The following CDH20 variants were observed in gnomAD, a reference collection of about 807,000 sequenced individuals.
The protein encoded by CDH20 is cadherin 20.
In CDH20, 29 loss-of-function variants were observed where a neutral mutation model predicts 74.2. The ratio of observed to expected loss-of-function variants is 0.39; its 90% CI spans 0.29 to 0.53. The LOEUF is 0.53. CDH20 is among the 20% of genes least tolerant of loss of function. The probability of loss-of-function intolerance (pLI) is 0.69; values close to 1 mark genes in which losing one functional copy is unlikely to be tolerated. For synonymous variants in CDH20, 469 were observed against 405.4 expected (o/e 1.16, Z -1.88); for missense variants, 988 against 1,048.3 (o/e 0.94, Z 0.79).
intron 1 of CDH20, among the ~76,000 whole-genome samples, chr18:61,429,948 T>C (rs1053454606): frequency 6.6e-6 from 1 of 152,162 alleles, no homozygotes; most frequent in African/African-American, 2.4e-5. Flanking sequence ...TCCTATATAT[T>C]GTGTCACATA....
intron 9 of CDH20, among the ~76,000 whole-genome samples, chr18:61,541,988 A>G (rs559651588): frequency 2.0e-5 from 3 of 152,182 alleles, no homozygotes; most frequent in African/African-American, 7.2e-5. Flanking sequence ...ATCTTCACTC[A>G]CTCATGCTTT....
intron 1 of CDH20, among the ~76,000 whole-genome samples, chr18:61,385,476 T>C (rs556860263): frequency 5.0e-4 from 75 of 149,830 alleles, no homozygotes; most frequent in African/African-American, 1.6e-3. Flanking sequence ...ACTCAAAACA[T>C]CAAAATCAAA....
chr18:61,430,438 T>C (rs1165200822), intron 1 of CDH20, among the ~76,000 whole-genome samples: 1 of 152,160 alleles, frequency 6.6e-6, no homozygotes, highest in South Asian at 2.1e-4. Context: ...CTTGCTCACC[T>C]TTCTGATACA....
At chr18:61,408,815 C>T (rs1169486055) in intron 1 of CDH20, among the ~76,000 whole-genome samples, 1 of 152,196 alleles carries the variant, frequency 6.6e-6, no homozygotes, top group Non-Finnish European at 1.5e-5. Context: ...AAACCCACCA[C>T]CTTTTTACTC....
At chr18:61,375,706 A>G (rs1389185155) in intron 1 of CDH20, among the ~76,000 whole-genome samples, 1 of 152,090 alleles carries the variant, frequency 6.6e-6, no homozygotes, top group Non-Finnish European at 1.5e-5. Flanking sequence ...CCTCCCTAGG[A>G]GGTACTATTC....
chr18:61,471,397 T>C (rs998741324), intron 1 of CDH20, among the ~76,000 whole-genome samples: 1 of 152,176 alleles, frequency 6.6e-6, no homozygotes, highest in Non-Finnish European at 1.5e-5. Flanking sequence ...AAATTATATC[T>C]CCCAGCAAAA....
chr18:61,358,855 A>C (rs571227788), intron 1 of CDH20, among the ~76,000 whole-genome samples: 1 of 152,296 alleles, frequency 6.6e-6, no homozygotes, highest in South Asian at 2.1e-4. Context: ...TGATATATTC[A>C]CTGGACTTTT....
At chr18:61,482,170 A>C (rs1910611601) in intron 1 of CDH20, among the ~76,000 whole-genome samples, 1 of 152,176 alleles carries the variant, frequency 6.6e-6, no homozygotes, top group South Asian at 2.1e-4. Context: ...AAAGCAGCTC[A>C]CATTCGTTAT....
At chr18:61,469,852 G>C (rs940056336) in intron 1 of CDH20, among the ~76,000 whole-genome samples, 1 of 152,164 alleles carries the variant, frequency 6.6e-6, no homozygotes, top group African/African-American at 2.4e-5. Context: ...ACCGAACACG[G>C]GGAGAGGGAT....
chr18:61,427,463 C>T (rs1242522336), intron 1 of CDH20, among the ~76,000 whole-genome samples: 2 of 152,094 alleles, frequency 1.3e-5, no homozygotes, highest in African/African-American at 4.8e-5. Flanking sequence ...TGTGCTTAAC[C>T]ATTATGCTGT....
chr18:61,510,980 C>CTTTTTTTTTTTT (rs112741210), intron 6 of CDH20, among the ~76,000 whole-genome samples: 134 of 135,964 alleles, frequency 9.9e-4, no homozygotes, highest in East Asian at 2.4e-3. Context: ...TTCTTTCTTT[C>CTTTTTTTTTTTT]TTTTTTTTTT....
chr18:61,489,716 G>A (rs1458500659), intron 1 of CDH20, among the ~76,000 whole-genome samples: 1 of 151,942 alleles, frequency 6.6e-6, no homozygotes, highest in East Asian at 1.9e-4. Flanking sequence ...TGTTGTGAAG[G>A]ATATAATGAT....
chr18:61,402,169 C>T (rs539914757), intron 1 of CDH20, among the ~76,000 whole-genome samples: 163 of 152,254 alleles, frequency 1.1e-3, no homozygotes, highest in Non-Finnish European at 2.1e-3. Context: ...CTGGATCTGA[C>T]CCCCAGGTTC....
chr18:61,526,304 T>G (rs1417647667), intron 6 of CDH20, among the ~76,000 whole-genome samples: 2 of 151,676 alleles, frequency 1.3e-5, no homozygotes, highest in Non-Finnish European at 2.9e-5. Context: ...AATTTTTGTA[T>G]TTTTAGTAGA....
At chr18:61,387,578 T>C (rs1911644878) in intron 1 of CDH20, among the ~76,000 whole-genome samples, 1 of 152,208 alleles carries the variant, frequency 6.6e-6, no homozygotes, top group Non-Finnish European at 1.5e-5. Flanking sequence ...ACGCATGTGA[T>C]TTACAGAGTC....
intron 1 of CDH20, among the ~76,000 whole-genome samples, chr18:61,487,764 T>C (rs1264204832): frequency 6.6e-6 from 1 of 152,192 alleles, no homozygotes; most frequent in African/African-American, 2.4e-5. Context: ...AAGGCTTTTC[T>C]CCTTGAGCTC....
chr18:61,468,357 C>G (rs193277272), intron 1 of CDH20, among the ~76,000 whole-genome samples: 1 of 152,280 alleles, frequency 6.6e-6, no homozygotes, highest in East Asian at 1.9e-4. Context: ...TTCAAGACAT[C>G]AAGATACGCT....
At position 61,368,995 on chromosome 18, in the gene CDH20, A is replaced by C. The variant is rs548404067; in HGVS notation, c.-153+35168A>C. Among the ~76,000 whole-genome samples, 13 of 152,234 alleles carry C rather than the reference A, an allele frequency of 8.5e-5. 1 individual carries two copies. In the South Asian group the frequency reaches 2.7e-3, roughly 32 times the overall value. The stretch of plus-strand genomic sequence containing the variant: ...CCTAGTTTCTGATAAATGATATTTT[A>C]CCGAAAATAAGTCATAAGATACAGA... On this transcript the variant is annotated intron_variant, in intron 1 of 11. Transcript: ENST00000262717.
At chr18:61,492,800 G>T (rs1291210319) in intron 2 of CDH20, among the ~76,000 whole-genome samples, 1 of 152,178 alleles carries the variant, frequency 6.6e-6, no homozygotes, top group Non-Finnish European at 1.5e-5. Context: ...ATTGTCTGAA[G>T]CCTCTGACTA....
Sources: allele counts gnomAD v4.1 joint callset (sites outside exome capture counted in the v4.1 genomes callset), GRCh38; gene constraint gnomAD v4.1.1; transcripts MANE v1.5; gene names NCBI Gene and HGNC (gene_info 2026-07-23, HGNC 2026-07-21).